OXR1: variants seen among roughly 807,000 people sequenced by gnomAD.
OXR1 encodes the protein oxidation resistance 1, also known as oxidation resistance protein 1.
A neutral mutation model predicts 104.6 loss-of-function variants in OXR1; 41 were observed. That is an observed-to-expected ratio of 0.39 (90% CI 0.31 to 0.51). OXR1 has a LOEUF of 0.51. Among genes scored for constraint, OXR1 ranks in the 20% least tolerant of loss-of-function variants. The probability of loss-of-function intolerance (pLI) is 0.77; values close to 1 mark genes in which losing one functional copy is unlikely to be tolerated. For missense variants in OXR1, 955 were observed against 1,031.9 expected (o/e 0.93, Z 1.02); for synonymous variants, 348 against 348.4 (o/e 1.00, Z 0.01).
intron 1 of OXR1, among the ~76,000 whole-genome samples, chr8:106,341,555 C>A (rs1815249179): frequency 6.6e-6 from 1 of 152,178 alleles, no homozygotes; most frequent in African/African-American, 2.4e-5. Context: ...TGTCTGCACA[C>A]ACACATACAC....
chr8:106,428,725 A>G (rs1288330872), intron 2 of OXR1, among the ~76,000 whole-genome samples: 1 of 152,000 alleles, frequency 6.6e-6, no homozygotes, highest in African/African-American at 2.4e-5. Context: ...TGGAGTGATG[A>G]TGAGTATTGC....
intron 3 of OXR1, among the ~76,000 whole-genome samples, chr8:106,611,677 C>T (rs539254623): frequency 6.6e-6 from 1 of 152,302 alleles, no homozygotes; most frequent in South Asian, 2.1e-4. Context: ...AATCTCTCCC[C>T]TCTGCCCTTT....
rs555696164 is a variant in OXR1 at position 106,691,326 on chromosome 8, A to G, written c.526-1402A>G. 2.0e-4 allele frequency among the ~76,000 whole-genome samples: 30 copies of G among 152,080 alleles called. No individual in the cohort carries two copies. In the East Asian group the frequency reaches 5.8e-3, roughly 29 times the overall value. ...AATCACAGTTTAAAAATAGCATTCA[A>G]AACCATCTACATAGAGATACTAATA... On this transcript the variant is annotated intron_variant, in intron 6 of 16. Transcript: ENST00000517566.
chr8:106,635,583 T>A (rs930875110), intron 3 of OXR1, among the ~76,000 whole-genome samples: 4 of 152,086 alleles, frequency 2.6e-5, no homozygotes, highest in African/African-American at 7.2e-5. Flanking sequence ...TAGCTGGGAT[T>A]ACAGGCATGC....
intron 3 of OXR1, among the ~76,000 whole-genome samples, chr8:106,561,130 C>A (rs1816647179): frequency 6.6e-6 from 1 of 151,914 alleles, no homozygotes; most frequent in Non-Finnish European, 1.5e-5. Context: ...TTTTTCATAC[C>A]TCAGAGGCGC....
intron 3 of OXR1, among the ~76,000 whole-genome samples, chr8:106,588,493 A>G (rs1586854972): frequency 7.8e-6 from 1 of 128,556 alleles, no homozygotes; most frequent in South Asian, 2.5e-4. Flanking sequence ...TTTCTCATTT[A>G]CTTTTTTTTT....
intron 3 of OXR1, among the ~76,000 whole-genome samples, chr8:106,622,104 C>T (rs189641066): frequency 6.6e-6 from 1 of 152,200 alleles, no homozygotes; most frequent in Admixed American, 6.5e-5. Context: ...GCTATTCAGG[C>T]CAGAAACATT....
At chr8:106,371,077 C>T (rs1410375049) in intron 2 of OXR1, among the ~76,000 whole-genome samples, 1 of 151,644 alleles carries the variant, frequency 6.6e-6, no homozygotes, top group East Asian at 1.9e-4. Flanking sequence ...CTCAATTTCA[C>T]AGCTTGTTAC....
chr8:106,605,679 A>T (rs1199812228), intron 3 of OXR1, among the ~76,000 whole-genome samples: 1 of 151,162 alleles, frequency 6.6e-6, no homozygotes. Context: ...GGCGCCTGTA[A>T]TCCCAGCTAC....
At chr8:106,345,207 T>G (rs1191207287) in intron 1 of OXR1, among the ~76,000 whole-genome samples, 2 of 152,160 alleles carry the variant, frequency 1.3e-5, no homozygotes, top group Non-Finnish European at 2.9e-5. Context: ...ATGAATGACA[T>G]AAGAACACAT....
chr8:106,523,381 G>A (rs1221764732), intron 3 of OXR1, among the ~76,000 whole-genome samples: 2 of 151,768 alleles, frequency 1.3e-5, no homozygotes, highest in Admixed American at 1.3e-4. Flanking sequence ...GGGAGATCTT[G>A]GTGACCATTT....
At chr8:106,561,388 G>A (rs754502127) in intron 3 of OXR1, among the ~76,000 whole-genome samples, 8 of 152,050 alleles carry the variant, frequency 5.3e-5, no homozygotes, top group African/African-American at 1.7e-4. Context: ...ACCCCACCAC[G>A]GTGCTGCAAA....
Position 106,681,674 on chromosome 8 carries a change from A to G in OXR1, c.304-1525A>G, listed in dbSNP as rs1456859086. On this transcript the variant is annotated intron_variant, in intron 4 of 16. Coordinates refer to ENST00000517566, the MANE Select transcript of OXR1 (RefSeq NM_001198533.2). ...TGAGTAGCTGGGACTACAGGCATGC[A>G]TCACCACGCCCAGCTAATTTTTGTA... Among the ~76,000 whole-genome samples, 5 of 152,080 alleles carry G rather than the reference A, an allele frequency of 3.3e-5. No individual in the cohort carries two copies. The East Asian group carries it at 7.8e-4, about 24-fold the overall frequency.
At chr8:106,457,281 G>A (rs56341863) in intron 2 of OXR1, among the ~76,000 whole-genome samples, 16,277 of 152,132 alleles carry the variant, frequency 0.11, 2,942 homozygotes, top group African/African-American at 0.37. Flanking sequence ...CTTTCCCTGT[G>A]CTCTCTAATG....
intron 1 of OXR1, among the ~76,000 whole-genome samples, chr8:106,336,079 G>C (rs1395463314): frequency 1.3e-5 from 2 of 152,192 alleles, no homozygotes; most frequent in Non-Finnish European, 2.9e-5. Flanking sequence ...CTGAGCGACA[G>C]AGTGAGACTG....
intron 2 of OXR1, among the ~76,000 whole-genome samples, chr8:106,467,038 A>C (rs538207737): frequency 4.3e-4 from 65 of 152,044 alleles, no homozygotes; most frequent in Non-Finnish European, 9.0e-4. Flanking sequence ...TTAGTTAAAG[A>C]AAGTTGCTGC....
chr8:106,340,652 C>CT (rs1413004746), intron 1 of OXR1, among the ~76,000 whole-genome samples: 1 of 152,084 alleles, frequency 6.6e-6, no homozygotes, highest in Non-Finnish European at 1.5e-5. Context: ...ATCAGAACAG[C>CT]TTTTTGTGAC....
intron 3 of OXR1, among the ~76,000 whole-genome samples, chr8:106,676,105 T>C (rs1393706908): frequency 6.6e-6 from 1 of 152,168 alleles, no homozygotes; most frequent in Non-Finnish European, 1.5e-5. Context: ...ATTTAAATCC[T>C]AGTTTTGTCA....
chr8:106,521,421 C>T (rs914742145), intron 3 of OXR1, among the ~76,000 whole-genome samples: 3 of 152,130 alleles, frequency 2.0e-5, no homozygotes, highest in Admixed American at 6.5e-5. Flanking sequence ...AGAGAGCAGG[C>T]TCTGCAAATT....
Sources: allele counts gnomAD v4.1 joint callset (sites outside exome capture counted in the v4.1 genomes callset), GRCh38; gene constraint gnomAD v4.1.1; transcripts MANE v1.5; gene names NCBI Gene and HGNC (gene_info 2026-07-23, HGNC 2026-07-21).